Variants in CFAP299 observed in about 807,000 individuals in gnomAD.
CFAP299 encodes cilia- and flagella-associated protein 299.
In CFAP299, 21 loss-of-function variants were observed where a neutral mutation model predicts 27.0. The ratio of observed to expected loss-of-function variants is 0.78; its 90% CI spans 0.55 to 1.12. The LOEUF (loss-of-function observed/expected upper bound fraction) is 1.12. CFAP299 is among the 50% of genes most tolerant of loss of function. The pLI is 0.00. For synonymous variants in CFAP299, 104 were observed against 98.1 expected (o/e 1.06, Z -0.36); for missense variants, 310 against 276.6 (o/e 1.12, Z -0.86).
chr4:80,595,993 G>A (rs888660736), intron 3 of CFAP299, among the ~76,000 whole-genome samples: 2 of 152,056 alleles, frequency 1.3e-5, no homozygotes, highest in African/African-American at 4.8e-5. Context: ...ATTAGTCTTT[G>A]TGAGACTCTC....
At chr4:80,772,189 G>T (rs1260611734) in intron 3 of CFAP299, among the ~76,000 whole-genome samples, 2 of 152,136 alleles carry the variant, frequency 1.3e-5, no homozygotes, top group African/African-American at 4.8e-5. Flanking sequence ...TAAACAGATC[G>T]TAAAGATTAG....
intron 2 of CFAP299, among the ~76,000 whole-genome samples, chr4:80,451,633 A>C (rs2110097126): frequency 6.6e-6 from 1 of 152,318 alleles, no homozygotes; most frequent in East Asian, 1.9e-4. Flanking sequence ...GCTTGATTTA[A>C]AGTTTCCTTT....
At chr4:80,570,866 T>A (rs1027830267) in intron 2 of CFAP299, among the ~76,000 whole-genome samples, 1 of 152,056 alleles carries the variant, frequency 6.6e-6, no homozygotes, top group African/African-American at 2.4e-5. Context: ...TACACGAGAA[T>A]ACAATGAAAA....
intron 2 of CFAP299, among the ~76,000 whole-genome samples, chr4:80,492,300 A>G (rs1275116048): frequency 6.6e-6 from 1 of 152,168 alleles, no homozygotes; most frequent in Non-Finnish European, 1.5e-5. Flanking sequence ...GTCATGGGCC[A>G]TGGTCACTTA....
intron 2 of CFAP299, among the ~76,000 whole-genome samples, chr4:80,521,450 T>C (rs1205165145): frequency 6.6e-6 from 1 of 152,228 alleles, no homozygotes; most frequent in Non-Finnish European, 1.5e-5. Flanking sequence ...AACGATTATT[T>C]TGTTTTAATC....
In CFAP299 at chr4:80,813,290, A is replaced by G. The variant is rs144609195; in HGVS notation, c.334-56703A>G. Among the ~76,000 whole-genome samples the G allele has an allele frequency of 3.1e-3, 470 of 152,178 alleles. 2 individuals are homozygous for G. Among genetic ancestry groups the G allele is most frequent in the African/African-American group, 0.011 (451 of 41,568 alleles). ...AAAAATTATCTCGAGCCTTTGGCAC[A>G]GTAAATTTAGAAGCAATATTCTAGC... On this transcript the variant is annotated intron_variant, in intron 3 of 5. Transcript: ENST00000358105.
intron 2 of CFAP299, among the ~76,000 whole-genome samples, chr4:80,462,626 A>G (rs1054627810): frequency 6.6e-6 from 1 of 151,824 alleles, no homozygotes; most frequent in East Asian, 1.9e-4. Context: ...TTGCTTTCTT[A>G]TGTCTTCATA....
chr4:80,374,313 C>T (rs911855589), intron 2 of CFAP299, among the ~76,000 whole-genome samples: 7 of 151,804 alleles, frequency 4.6e-5, no homozygotes, highest in African/African-American at 1.7e-4. Context: ...TCCTTTTTTT[C>T]TTATCAGACC....
chr4:80,559,586 A>G (rs1734943371), intron 2 of CFAP299, among the ~76,000 whole-genome samples: 1 of 152,174 alleles, frequency 6.6e-6, no homozygotes, highest in African/African-American at 2.4e-5. Flanking sequence ...GATAGAAAAC[A>G]CAGTCCTGAG....
chr4:80,688,670 GC>G (rs1720413583), intron 3 of CFAP299, among the ~76,000 whole-genome samples: 1 of 152,220 alleles, frequency 6.6e-6, no homozygotes, highest in Admixed American at 6.5e-5. Flanking sequence ...TTCCTCACCA[GC>G]AACGGAACAA....
chr4:80,387,070 T>C, intron 2 of CFAP299: 1 of 1,432,286 alleles, frequency 7.0e-7, no homozygotes, highest in Non-Finnish European at 9.8e-7. Flanking sequence ...CAGGGGAAGT[T>C]GTGAGTGGCG....
intron 2 of CFAP299, among the ~76,000 whole-genome samples, chr4:80,378,056 C>T (rs976780642): frequency 3.3e-5 from 5 of 152,150 alleles, no homozygotes; most frequent in African/African-American, 1.2e-4. Context: ...TGGGGTCCCT[C>T]CCACAACACC....
rs543187455 is a variant in CFAP299, at chr4:80,844,827, G to C, written c.334-25166G>C. On this transcript the variant is annotated intron_variant, in intron 3 of 5. Transcript: ENST00000358105. ...TGGTGTTTTAGACATGAAGTCCTTG[G>C]CCATGCCTATGTCCTGAATGGTTTT... Among the ~76,000 whole-genome samples the C allele has an allele frequency of 1.1e-3, 167 of 152,120 alleles. 1 individual carries two copies. Among genetic ancestry groups the C allele is most frequent in the Non-Finnish European group, 1.3e-3 (86 of 67,978 alleles).
At chr4:80,856,835 C>T (rs369298280) in intron 3 of CFAP299, among the ~76,000 whole-genome samples, 33 of 151,888 alleles carry the variant, frequency 2.2e-4, no homozygotes, top group African/African-American at 2.9e-4. Context: ...AGTCAGGTAG[C>T]GTGATGCCTC....
intron 3 of CFAP299, among the ~76,000 whole-genome samples, chr4:80,760,996 T>C (rs568560115): frequency 2.8e-4 from 42 of 152,298 alleles, no homozygotes; most frequent in South Asian, 1.7e-3. Flanking sequence ...CCAGGAGTAA[T>C]AGGTAATCAT....
Position 80,548,377 on chromosome 4 carries a change from G to T in CFAP299, c.243-34716G>T, listed in dbSNP as rs989317749. Among the ~76,000 whole-genome samples, 68 of 152,102 alleles carry T rather than the reference G, an allele frequency of 4.5e-4. 1 individual carries two copies. ...ATGGAAACAATAGGTACTAGGTAGGGACAGCTTGAGGTAGGAGGATATGAG... is the reference window on the plus strand; with the variant it reads ...ATGGAAACAATAGGTACTAGGTAGGTACAGCTTGAGGTAGGAGGATATGAG... On this transcript the variant is annotated intron_variant, in intron 2 of 5. Coordinates refer to ENST00000358105, the MANE Select transcript of CFAP299 (RefSeq NM_152770.3).
intron 3 of CFAP299, among the ~76,000 whole-genome samples, chr4:80,653,169 T>C (rs1740393892): frequency 6.6e-6 from 1 of 152,150 alleles, no homozygotes. Flanking sequence ...TAAAACTGAA[T>C]GCATAGTTTT....
chr4:80,682,206 C>T (rs1403359343), intron 3 of CFAP299, among the ~76,000 whole-genome samples: 1 of 152,152 alleles, frequency 6.6e-6, no homozygotes, highest in Admixed American at 6.5e-5. Flanking sequence ...TATGGTAATT[C>T]AAATTCATGC....
At chr4:80,381,376 A>C (rs1724690712) in intron 2 of CFAP299, among the ~76,000 whole-genome samples, 1 of 7,848 alleles carries the variant, frequency 1.3e-4, no homozygotes, top group East Asian at 0.5. Flanking sequence ...CTCTTAACAT[A>C]TACATTTTTT....
Sources: gnomAD v4.1 joint callset for allele counts (sites outside exome capture counted in the v4.1 genomes callset) on GRCh38, gnomAD v4.1.1 for gene constraint, MANE v1.5 for transcripts, NCBI Gene and HGNC (gene_info 2026-07-23, HGNC 2026-07-21) for gene names.